The following SLC26A7 variants were observed in gnomAD, a reference collection of about 807,000 sequenced individuals.
SLC26A7 encodes solute carrier family 26 member 7.
SLC26A7 carries 59 observed loss-of-function variants against 82.5 expected under a neutral mutation model. The ratio of observed to expected loss-of-function variants is 0.72; its 90% CI spans 0.58 to 0.89. SLC26A7 has a LOEUF of 0.89. Among genes scored for constraint, SLC26A7 ranks in the 40% least tolerant of loss-of-function variants. The pLI is 0.00. For synonymous variants in SLC26A7, 271 were observed against 274.3 expected (o/e 0.99, Z 0.12); for missense variants, 820 against 793.0 (o/e 1.03, Z -0.41).
Position 91,343,361 on chromosome 8 carries a change from G to A in SLC26A7, c.1035G>A (p.Leu345=). The change falls in exon 9 of 19, where the codon TTG becomes TTA. Residue 345 remains leucine (L), a synonymous_variant. Transcript: ENST00000276609. The part of the protein sequence containing the change: ...KYSIDDNQEF[L]AHGLSNIVSS... Reference sequence around the variant, plus strand: ...TCTCATGAATCTTGCAGGAATTTTTGGCCCATGGCCTCAGCAATATAGTTT... The same window carrying A: ...TCTCATGAATCTTGCAGGAATTTTTAGCCCATGGCCTCAGCAATATAGTTT... 6.2e-7 allele frequency: 1 copy of A among 1,603,830 alleles called. No individual in the cohort carries two copies. The highest frequency in any genetic ancestry group is 8.5e-7 in the Non-Finnish European group (1 of 1,174,332).
intron 2 of SLC26A7, among the ~76,000 whole-genome samples, chr8:91,240,134 G>T (rs1231359217): frequency 6.6e-6 from 1 of 152,120 alleles, no homozygotes; most frequent in East Asian, 1.9e-4. Flanking sequence ...TTGAATTTCA[G>T]CTTTGCTTGC....
chr8:91,359,511 T>C (rs1813986349), intron 11 of SLC26A7, among the ~76,000 whole-genome samples: 2 of 152,182 alleles, frequency 1.3e-5, no homozygotes, highest in African/African-American at 2.4e-5. Context: ...GACGTGATAG[T>C]TGAATACTTG....
At chr8:91,313,489 A>G (rs1812544311) in intron 4 of SLC26A7, among the ~76,000 whole-genome samples, 1 of 152,140 alleles carries the variant, frequency 6.6e-6, no homozygotes, top group South Asian at 2.1e-4. Flanking sequence ...GAACAGCACT[A>G]AATTGTTTTC....
At chr8:91,371,203 G>T (rs548375138) in intron 15 of SLC26A7, among the ~76,000 whole-genome samples, 1 of 151,978 alleles carries the variant, frequency 6.6e-6, no homozygotes, top group Non-Finnish European at 1.5e-5. Flanking sequence ...AAAATTCAGG[G>T]TGAAAACTGG....
At chr8:91,223,186 T>G (rs1313608210) in intron 2 of SLC26A7, among the ~76,000 whole-genome samples, 2 of 152,194 alleles carry the variant, frequency 1.3e-5, no homozygotes, top group Non-Finnish European at 2.9e-5. Flanking sequence ...TGATATCCCC[T>G]TTATCGTTTT....
At chr8:91,266,233 C>T (rs1430594552) in intron 2 of SLC26A7, among the ~76,000 whole-genome samples, 1 of 151,742 alleles carries the variant, frequency 6.6e-6, no homozygotes, top group African/African-American at 2.4e-5. Context: ...TTTTATGATT[C>T]CATACACATT....
chr8:91,307,723 G>A (rs1450379737), intron 4 of SLC26A7, among the ~76,000 whole-genome samples: 1 of 143,166 alleles, frequency 7.0e-6, no homozygotes, highest in Non-Finnish European at 1.5e-5. Context: ...TGGGTGCAGC[G>A]CACCAGCATG....
chr8:91,268,778 T>C (rs1293303189), intron 2 of SLC26A7, among the ~76,000 whole-genome samples: 3 of 151,758 alleles, frequency 2.0e-5, no homozygotes, highest in Admixed American at 2.0e-4. Flanking sequence ...TCATTTGTGG[T>C]TAAGTGACTT....
chr8:91,365,570 G>GT (rs1814169840), intron 13 of SLC26A7, among the ~76,000 whole-genome samples: 1 of 152,086 alleles, frequency 6.6e-6, no homozygotes, highest in African/African-American at 2.4e-5. Flanking sequence ...CTTAAGGTTT[G>GT]TTTGTTTTCT....
chr8:91,366,806 C>T, intron 14 of SLC26A7, 89 bp downstream of exon 14: 2 of 1,406,780 alleles, frequency 1.4e-6, no homozygotes, highest in Non-Finnish European at 1.9e-6. Context: ...AATAATACAT[C>T]ACACGAGTAT....
intron 4 of SLC26A7, among the ~76,000 whole-genome samples, chr8:91,312,573 A>G (rs1563673862): frequency 6.6e-6 from 1 of 152,056 alleles, no homozygotes; most frequent in East Asian, 1.9e-4. Context: ...CCAGCAACAG[A>G]GCACAAGTGT....
intron 11 of SLC26A7, among the ~76,000 whole-genome samples, chr8:91,359,459 G>A (rs1322514364): frequency 6.6e-6 from 1 of 152,212 alleles, no homozygotes; most frequent in Non-Finnish European, 1.5e-5. Flanking sequence ...TTTGATAGCT[G>A]AAAAATTGCT....
intron 2 of SLC26A7, among the ~76,000 whole-genome samples, chr8:91,227,001 A>G (rs999988482): frequency 6.6e-6 from 1 of 152,362 alleles, no homozygotes; most frequent in Non-Finnish European, 1.5e-5. Context: ...GGAAGAATGC[A>G]TCTGCTTCTG....
rs578166441 is a variant in SLC26A7, at chr8:91,369,676, G to A, written c.1627-109G>A. 8 of 712,544 alleles carry A rather than the reference G, an allele frequency of 1.1e-5. No homozygotes were observed. The South Asian group carries it at 1.8e-4, about 16-fold the overall frequency. 44.1% of individuals were successfully genotyped at this position (712,544 alleles called of 1,614,324 possible). On this transcript the variant is annotated intron_variant, in intron 14 of 18. Coordinates refer to ENST00000276609, the MANE Select transcript of SLC26A7 (RefSeq NM_052832.4). ...AGAATGCTAGTGAAAAACAATTTTG[G>A]AGATGAGTTTTTTTGTTATTCTTTA...
intron 2 of SLC26A7, among the ~76,000 whole-genome samples, chr8:91,278,639 C>A (rs1586354982): frequency 6.6e-6 from 1 of 151,908 alleles, no homozygotes; most frequent in East Asian, 1.9e-4. Flanking sequence ...TTTTAATTAA[C>A]AAAAACTGTA....
intron 2 of SLC26A7, among the ~76,000 whole-genome samples, chr8:91,250,369 T>G (rs966088412): frequency 6.6e-6 from 1 of 152,170 alleles, no homozygotes; most frequent in Admixed American, 6.5e-5. Flanking sequence ...TATGTTTTAC[T>G]GTCTATGCTG....
intron 2 of SLC26A7, among the ~76,000 whole-genome samples, chr8:91,250,300 A>C (rs892682694): frequency 1.3e-5 from 2 of 152,076 alleles, no homozygotes; most frequent in Non-Finnish European, 2.9e-5. Context: ...TCTGTACATA[A>C]AGGAGGCTCT....
intron 1 of SLC26A7, chr8:91,218,863 A>ATTTTATT: frequency 7.0e-7 from 1 of 1,435,000 alleles, no homozygotes; most frequent in Non-Finnish European, 9.5e-7. Flanking sequence ...CACTGCCTAA[A>ATTTTATT]TTTTATTTTT....
At chr8:91,332,376 A>T (rs1002430840) in intron 5 of SLC26A7, among the ~76,000 whole-genome samples, 13 of 129,650 alleles carry the variant, frequency 1.0e-4, no homozygotes, top group African/African-American at 3.4e-4. Context: ...ATAAAATTAT[A>T]TAATAATTTA....
Sources: gnomAD v4.1 joint callset for allele counts (sites outside exome capture counted in the v4.1 genomes callset) on GRCh38, gnomAD v4.1.1 for gene constraint, MANE v1.5 for transcripts, NCBI Gene and HGNC (gene_info 2026-07-23, HGNC 2026-07-21) for gene names.